GRIK1: variants seen among roughly 807,000 people sequenced by gnomAD.
The protein encoded by GRIK1 is glutamate receptor ionotropic, kainate 1.
GRIK1 carries 69 observed loss-of-function variants against 105.7 expected under a neutral mutation model. The ratio of observed to expected loss-of-function variants is 0.65; its 90% CI spans 0.54 to 0.80. The LOEUF is 0.80. GRIK1 is among the 30% of genes least tolerant of loss of function. The pLI, the probability that GRIK1 is intolerant of heterozygous loss-of-function variation, is 0.00. For synonymous variants in GRIK1, 438 were observed against 431.3 expected (o/e 1.02, Z -0.19); for missense variants, 1,109 against 1,167.3 (o/e 0.95, Z 0.73).
intron 1 of GRIK1, among the ~76,000 whole-genome samples, chr21:29,734,226 C>T (rs1342018637): frequency 2.6e-5 from 4 of 152,164 alleles, no homozygotes; most frequent in Admixed American, 6.5e-5. Flanking sequence ...TACTGGCCTT[C>T]CTTTCTAGAA....
intron 1 of GRIK1, among the ~76,000 whole-genome samples, chr21:29,711,744 T>G (rs888651771): frequency 6.6e-6 from 1 of 152,150 alleles, no homozygotes; most frequent in African/African-American, 2.4e-5. Context: ...TGTGGGTATT[T>G]ACATTTTTAT....
rs182948221 is a variant in GRIK1 at position 29,541,603 on chromosome 21, G to T, written c.2608-3719C>A. ...TTTTTTTTTTTTTTTTTTTGTGGGA[G>T]AGATACAATGAAAAGGTTGATGGTT... On this transcript the variant is annotated intron_variant, in intron 16 of 17. Coordinates refer to ENST00000327783, the MANE Select transcript of GRIK1 (RefSeq NM_001330994.2). Among the ~76,000 whole-genome samples the T allele has an allele frequency of 1.4e-4, 13 of 94,116 alleles. No individual in the cohort carries two copies. In the East Asian group the frequency reaches 4.6e-3, roughly 33 times the overall value. The allele number at this position is 94,116 out of a possible 152,430, so 61.7% of individuals were successfully genotyped here. A position where few individuals can be genotyped will look rare whatever the true frequency, so the allele number is the denominator to read the frequency against.
chr21:29,729,761 G>A (rs1473016955), intron 1 of GRIK1, among the ~76,000 whole-genome samples: 1 of 152,152 alleles, frequency 6.6e-6, no homozygotes, highest in Admixed American at 6.5e-5. Context: ...GAGAAAGATA[G>A]TTTCTGGAGA....
At chr21:29,928,561 A>G (rs1409792872) in intron 1 of GRIK1, among the ~76,000 whole-genome samples, 1 of 152,220 alleles carries the variant, frequency 6.6e-6, no homozygotes, top group Non-Finnish European at 1.5e-5. Flanking sequence ...AGACAGAAAG[A>G]GCCTGAGATA....
chr21:29,888,132 CCCCT>C (rs527600796), intron 1 of GRIK1, among the ~76,000 whole-genome samples: 58 of 129,244 alleles, frequency 4.5e-4, no homozygotes, highest in African/African-American at 1.4e-3. Context: ...CATTTTATAG[CCCCT>C]CCCTCCCTCC....
At chr21:29,612,490 C>G (rs1568885351) in intron 7 of GRIK1, among the ~76,000 whole-genome samples, 1 of 152,206 alleles carries the variant, frequency 6.6e-6, no homozygotes, top group Non-Finnish European at 1.5e-5. Context: ...TCACACAACT[C>G]TCCCCACATT....
At chr21:29,756,838 G>T (rs1412953268) in intron 1 of GRIK1, among the ~76,000 whole-genome samples, 3 of 152,174 alleles carry the variant, frequency 2.0e-5, no homozygotes, top group Non-Finnish European at 2.9e-5. Flanking sequence ...CAGTGGCCGG[G>T]CGCGGTGGCT....
intron 1 of GRIK1, among the ~76,000 whole-genome samples, chr21:29,889,984 G>T (rs1191563771): frequency 6.6e-6 from 1 of 152,018 alleles, no homozygotes; most frequent in East Asian, 1.9e-4. Context: ...CCTTATCTGT[G>T]AAAATGTCTA....
intron 1 of GRIK1, among the ~76,000 whole-genome samples, chr21:29,827,327 C>T (rs369468077): frequency 3.3e-5 from 5 of 152,086 alleles, no homozygotes; most frequent in African/African-American, 1.2e-4. Context: ...AATAGAAGAA[C>T]AGATTAATGG....
At chr21:29,927,057 C>T (rs766816735) in intron 1 of GRIK1, among the ~76,000 whole-genome samples, 1 of 152,086 alleles carries the variant, frequency 6.6e-6, no homozygotes, top group Non-Finnish European at 1.5e-5. Context: ...TCAGAACATC[C>T]TAAAAGCATA....
At chr21:29,865,979 C>A (rs1219988418) in intron 1 of GRIK1, among the ~76,000 whole-genome samples, 1 of 152,136 alleles carries the variant, frequency 6.6e-6, no homozygotes, top group Non-Finnish European at 1.5e-5. Context: ...ATGCCCTGGA[C>A]AGTGGTCATT....
chr21:29,709,943 T>C (rs2064004941), intron 1 of GRIK1, among the ~76,000 whole-genome samples: 1 of 151,938 alleles, frequency 6.6e-6, no homozygotes, highest in Non-Finnish European at 1.5e-5. Flanking sequence ...AGTAAGAAAA[T>C]GAGAATGGGT....
At chr21:29,764,274 G>A (rs1317698702) in intron 1 of GRIK1, among the ~76,000 whole-genome samples, 1 of 152,094 alleles carries the variant, frequency 6.6e-6, no homozygotes. Context: ...ACTACTTTCA[G>A]TTTACTAGTG....
At chr21:29,895,638 G>A (rs2070115466) in intron 1 of GRIK1, among the ~76,000 whole-genome samples, 1 of 152,142 alleles carries the variant, frequency 6.6e-6, no homozygotes, top group African/African-American at 2.4e-5. Context: ...CATTCACGCA[G>A]CAGTTGATTT....
chr21:29,676,038 G>A (rs748530790), intron 3 of GRIK1, among the ~76,000 whole-genome samples: 8 of 152,160 alleles, frequency 5.3e-5, no homozygotes, highest in East Asian at 3.8e-4. Context: ...ACACTAGGCC[G>A]TTAATAAACA....
At chr21:29,674,080 T>G (rs3026005) in intron 3 of GRIK1, among the ~76,000 whole-genome samples, 4,111 of 151,760 alleles carry the variant, frequency 0.027, 171 homozygotes, top group African/African-American at 0.091. Flanking sequence ...TTTTGTTGTT[T>G]TTTTTTTTTA....
At chr21:29,822,523 C>T (rs77611906) in intron 1 of GRIK1, among the ~76,000 whole-genome samples, 1 of 152,150 alleles carries the variant, frequency 6.6e-6, no homozygotes, top group East Asian at 1.9e-4. Context: ...GACGGCCCCT[C>T]ATCCACAACC....
intron 1 of GRIK1, among the ~76,000 whole-genome samples, chr21:29,813,529 A>G (rs1337371244): frequency 6.6e-6 from 1 of 152,160 alleles, no homozygotes; most frequent in Non-Finnish European, 1.5e-5. Context: ...CATTTTTTGT[A>G]TCAATATAGA....
intron 6 of GRIK1, among the ~76,000 whole-genome samples, chr21:29,646,114 T>A (rs2062611793): frequency 1.3e-5 from 2 of 152,206 alleles, no homozygotes; most frequent in South Asian, 4.1e-4. Context: ...TAGTTTATGC[T>A]AAAAACATGA....
Sources: allele counts gnomAD v4.1 joint callset (sites outside exome capture counted in the v4.1 genomes callset), GRCh38; gene constraint gnomAD v4.1.1; transcripts MANE v1.5; gene names NCBI Gene and HGNC (gene_info 2026-07-23, HGNC 2026-07-21).